The following CKAP5 variants were observed in gnomAD, a reference collection of about 807,000 sequenced individuals.
CKAP5 encodes cytoskeleton-associated protein 5.
In CKAP5, 27 loss-of-function variants were observed where a neutral mutation model predicts 232.8. That is an observed-to-expected ratio of 0.12 (90% CI 0.09 to 0.16). The LOEUF (loss-of-function observed/expected upper bound fraction) is 0.16, where lower values mean the gene tolerates loss of function less well. Among genes scored for constraint, CKAP5 ranks in the 10% least tolerant of loss-of-function variants. CKAP5 has a pLI of 1.00. For missense variants in CKAP5, 1,838 were observed against 2,424.7 expected (o/e 0.76, Z 5.08); for synonymous variants, 785 against 841.1 (o/e 0.93, Z 1.16).
intron 1 of CKAP5, among the ~76,000 whole-genome samples, chr11:46,838,547 G>T (rs1314903116): frequency 6.8e-6 from 1 of 147,328 alleles, no homozygotes; most frequent in Admixed American, 7.0e-5. Flanking sequence ...TTGGGAGGCC[G>T]AGGCAGGCAG....
chr11:46,816,786 A>ATTTT (rs397848056), intron 3 of CKAP5, among the ~76,000 whole-genome samples: 1 of 127,206 alleles, frequency 7.9e-6, no homozygotes, highest in Non-Finnish European at 1.6e-5. Flanking sequence ...CTTGCTTTCA[A>ATTTT]TTTTTTTTTT....
chr11:46,781,698 C>T (rs2065343000), intron 18 of CKAP5, among the ~76,000 whole-genome samples: 1 of 152,126 alleles, frequency 6.6e-6, no homozygotes, highest in African/African-American at 2.4e-5. Flanking sequence ...CTGGTCTCTA[C>T]TCAAATGTCA....
intron 12 of CKAP5, among the ~76,000 whole-genome samples, 155 bp downstream of exon 12, chr11:46,796,657 A>G (rs1385565985): frequency 1.3e-5 from 2 of 152,224 alleles, no homozygotes; most frequent in Non-Finnish European, 2.9e-5. Flanking sequence ...ACTTGTTTCA[A>G]TTATGCATTT....
At chr11:46,753,271 G>C (rs780701108) in intron 37 of CKAP5, 39 bp downstream of exon 37, 1 of 1,502,908 alleles carries the variant, frequency 6.7e-7, no homozygotes, top group African/African-American at 1.4e-5. Context: ...ACAAAAGCGA[G>C]GATGCCCCAG....
chr11:46,778,741 A>G, intron 20 of CKAP5, 142 bp from the exon 21 acceptor site: 2 of 667,846 alleles, frequency 3.0e-6, no homozygotes, highest in Non-Finnish European at 5.1e-6. Flanking sequence ...TACCTAGATT[A>G]CAATTTTGAG....
At chr11:46,825,635 T>C (rs1396280766) in intron 1 of CKAP5, among the ~76,000 whole-genome samples, 1 of 152,082 alleles carries the variant, frequency 6.6e-6, no homozygotes, top group East Asian at 1.9e-4. Flanking sequence ...CTCTCACCTC[T>C]GGCTAAGGAG....
At position 46,811,181 on chromosome 11, in the gene CKAP5, A is replaced by T. The variant is rs781223409; in HGVS notation, c.459-3T>A. 2 of 1,610,542 alleles carry T rather than the reference A, an allele frequency of 1.2e-6. No homozygotes were observed. The highest frequency in any genetic ancestry group is 2.2e-5 in the South Asian group (2 of 90,192). On this transcript the variant is annotated splice_region_variant and splice_polypyrimidine_tract_variant and intron_variant, in intron 4 of 43. Coordinates refer to ENST00000529230, the MANE Select transcript of CKAP5 (RefSeq NM_001008938.4). The stretch of plus-strand genomic sequence containing the variant: ...AGATGATTTTGGAACCAAATTCACT[A>T]CAAGTAAAAAATTGGGAAAAAACTG...
chr11:46,841,327 A>C (rs1401137118), intron 1 of CKAP5, among the ~76,000 whole-genome samples: 1 of 151,956 alleles, frequency 6.6e-6, no homozygotes, highest in Non-Finnish European at 1.5e-5. Flanking sequence ...GCTAGTGTCC[A>C]CTGCTGAAGA....
At chr11:46,841,011 G>A (rs1565762205) in intron 1 of CKAP5, among the ~76,000 whole-genome samples, 1 of 152,168 alleles carries the variant, frequency 6.6e-6, no homozygotes, top group Admixed American at 6.5e-5. Context: ...GCTCATGCCT[G>A]TAATCCCAGC....
chr11:46,754,900 G>A lies in CKAP5; in HGVS notation c.4857C>T (p.Gly1619=). 6.2e-7 allele frequency: 1 copy of A among 1,612,048 alleles called. No individual in the cohort carries two copies. Among genetic ancestry groups the A allele is most frequent in the South Asian group, 1.1e-5 (1 of 90,464 alleles). The change falls in exon 36 of 44, where the codon GGC becomes GGT. Residue 1619 remains glycine, a synonymous_variant. Transcript: ENST00000529230. ...GAGGTGCCCTTACCGAAATCATGTT[G>A]CCAATGATACAGCTATACAACTTGA... is the stretch of plus-strand genomic sequence containing the variant. ...EIIKLYSCII[G]NMISLFQIES... is the part of the protein sequence containing the mutation.
rs2065061359 is a variant in CKAP5 at position 46,751,118 on chromosome 11, T to C, written c.5460A>G (p.Ile1820Met). 1 of 1,614,044 alleles carries C rather than the reference T, an allele frequency of 6.2e-7. No homozygotes were observed. The highest frequency in any genetic ancestry group is 8.5e-7 in the Non-Finnish European group (1 of 1,180,016). The stretch of plus-strand genomic sequence containing the variant: ...CAATCTTTCAAGTCAGGCCACTCAC[T>C]ATTCGAGATGCTCCCTTTTCTGTTT... The part of the protein sequence containing the change: ...DKETEKGASR[I>M]DEKSSKAKVN... The change falls in exon 40 of 44, where the codon ATA (isoleucine) becomes ATG (methionine). Residue 1820 changes from isoleucine (I) to methionine (M), a missense_variant and splice_region_variant. By Grantham distance (10) the Ile-to-Met change is conservative. This residue lies in a region of CKAP5 where 579 missense variants were observed against 843.2 expected (regional missense o/e 0.69). Transcript: ENST00000529230.
rs1297028804 is a variant in CKAP5, at chr11:46,828,235, G to GTATC, written c.-37-6971_-37-6968dup. ...GAGAACCCTAAGCTAAAGTTGCCAA[G>GTATC]TATCTTTTCCTTACTTGGGTGGGGG... On this transcript the variant is annotated intron_variant, in intron 1 of 43. Coordinates refer to ENST00000529230, the MANE Select transcript of CKAP5 (RefSeq NM_001008938.4). Among the ~76,000 whole-genome samples the GTATC allele has an allele frequency of 3.2e-5, 4 of 124,820 alleles. No individual in the cohort carries two copies. In the Admixed American group the frequency reaches 3.8e-4, roughly 12 times the overall value. The allele number at this position is 124,820 out of a possible 152,430, so 81.9% of individuals were successfully genotyped here.
chr11:46,825,264 A>G (rs1242629675), intron 1 of CKAP5, among the ~76,000 whole-genome samples: 1 of 152,202 alleles, frequency 6.6e-6, no homozygotes, highest in Non-Finnish European at 1.5e-5. Context: ...ACTATATCCC[A>G]TCATAAAAGA....
intron 20 of CKAP5, 113 bp downstream of exon 20, chr11:46,780,081 C>T (rs1343282817): frequency 4.0e-5 from 46 of 1,161,420 alleles, no homozygotes; most frequent in Non-Finnish European, 5.3e-5. Context: ...AATCCTCCTT[C>T]CTCAGGCTCC....
chr11:46,771,477 T>C (rs2065247389), intron 24 of CKAP5, among the ~76,000 whole-genome samples: 1 of 152,234 alleles, frequency 6.6e-6, no homozygotes, highest in Non-Finnish European at 1.5e-5. Context: ...TGGCATAATC[T>C]TGGCTCGCAG....
At chr11:46,821,123 G>GCTCA (rs1391221945) in intron 2 of CKAP5, 52 bp downstream of exon 2, 4 of 1,308,296 alleles carry the variant, frequency 3.1e-6, no homozygotes, top group Non-Finnish European at 4.4e-6. Context: ...TAGTATAACT[G>GCTCA]CTCACAAAAC....
At chr11:46,756,505 G>A (rs2065111518) in intron 35 of CKAP5, among the ~76,000 whole-genome samples, 4 of 152,240 alleles carry the variant, frequency 2.6e-5, no homozygotes. Flanking sequence ...ATACTTTAGG[G>A]TATACTTATT....
chr11:46,790,647 T>C, intron 13 of CKAP5, 64 bp from the exon 14 acceptor site: 1 of 1,132,366 alleles, frequency 8.8e-7, no homozygotes, highest in Non-Finnish European at 1.3e-6. Flanking sequence ...GAGTTTTTTA[T>C]TTTTATTTTT....
intron 5 of CKAP5, among the ~76,000 whole-genome samples, chr11:46,810,341 C>T (rs1311615386): frequency 6.6e-6 from 1 of 152,020 alleles, no homozygotes; most frequent in Non-Finnish European, 1.5e-5. Context: ...CATTGAGAGA[C>T]AGGGTCTCAA....
Sources: gnomAD v4.1 joint callset for allele counts (sites outside exome capture counted in the v4.1 genomes callset) on GRCh38, gnomAD v4.1.1 for gene constraint, gnomAD v4.1.1 regional missense constraint, MANE v1.5 for transcripts, NCBI Gene and HGNC (gene_info 2026-07-23, HGNC 2026-07-21) for gene names.